TCF12: variants seen among roughly 807,000 people sequenced by gnomAD.
TCF12 encodes the protein DNA-binding protein HTF4.
TCF12 carries 45 observed loss-of-function variants against 86.0 expected under a neutral mutation model. The ratio of observed to expected loss-of-function variants is 0.52; its 90% confidence interval spans 0.41 to 0.67. The LOEUF (loss-of-function observed/expected upper bound fraction) is 0.67. TCF12 is among the 30% of genes least tolerant of loss of function. TCF12 has a pLI of 0.00. For missense variants in TCF12, 881 were observed against 859.9 expected (o/e 1.02, Z -0.31); for synonymous variants, 330 against 299.6 (o/e 1.10, Z -1.05).
At chr15:57,091,984 C>T (rs2049021655) in intron 5 of TCF12, 93 bp downstream of exon 5, 1 of 1,033,076 alleles carries the variant, frequency 9.7e-7, no homozygotes, top group Non-Finnish European at 1.4e-6. Context: ...AGGTAAGTAT[C>T]TAGAAGAAAG....
At chr15:57,274,587 G>GT (rs1177457099) in intron 19 of TCF12, among the ~76,000 whole-genome samples, 4 of 151,910 alleles carry the variant, frequency 2.6e-5, no homozygotes, top group Non-Finnish European at 5.9e-5. Flanking sequence ...TTTACCAATG[G>GT]TTTTTTTTCT....
At chr15:57,039,393 G>A (rs2066745912) in intron 3 of TCF12, among the ~76,000 whole-genome samples, 2 of 152,086 alleles carry the variant, frequency 1.3e-5, no homozygotes, top group Non-Finnish European at 2.9e-5. Context: ...CATTTTGTTA[G>A]CCAGTTACTT....
chr15:57,099,330 C>A (rs1296108036), intron 5 of TCF12, among the ~76,000 whole-genome samples: 1 of 152,108 alleles, frequency 6.6e-6, no homozygotes, highest in African/African-American at 2.4e-5. Context: ...TCCACACTTT[C>A]CAGAGTACTC....
At chr15:57,219,444 C>G (rs1405615804) in intron 8 of TCF12, 13 of 1,537,988 alleles carry the variant, frequency 8.5e-6, no homozygotes, top group Non-Finnish European at 1.2e-5. Flanking sequence ...AAGACTTACT[C>G]CCTTTGCCTG....
At chr15:57,207,497 C>T in intron 8 of TCF12, among the ~76,000 whole-genome samples, 1 of 152,014 alleles carries the variant, frequency 6.6e-6, no homozygotes, top group East Asian at 1.9e-4. Context: ...ATGGTGAAAC[C>T]TCATCTCTAC....
intron 1 of TCF12, chr15:56,919,336 C>T (rs1349741610): frequency 1.3e-5 from 2 of 152,024 alleles, no homozygotes; most frequent in African/African-American, 2.4e-5. Context: ...TAAAAACGCC[C>T]CTTGGATGAG....
intron 16 of TCF12, among the ~76,000 whole-genome samples, chr15:57,260,334 A>G (rs1464916085): frequency 3.9e-5 from 6 of 152,226 alleles, no homozygotes; most frequent in African/African-American, 1.4e-4. Flanking sequence ...GTAAAAGGAA[A>G]TCAGAATTCA....
intron 1 of TCF12, chr15:56,919,397 G>T (rs2059659448): frequency 6.6e-6 from 1 of 152,440 alleles, no homozygotes; most frequent in Non-Finnish European, 1.5e-5. Flanking sequence ...CCGGGCGGCG[G>T]CGGCCGCAGA....
intron 13 of TCF12, among the ~76,000 whole-genome samples, chr15:57,244,969 GT>G (rs1372614327): frequency 3.9e-5 from 6 of 152,134 alleles, no homozygotes; most frequent in African/African-American, 1.4e-4. Context: ...TCTGAGCAGT[GT>G]TTGGAGAAAA....
At chr15:57,046,248 A>C (rs2141509437) in intron 3 of TCF12, among the ~76,000 whole-genome samples, 1 of 152,328 alleles carries the variant, frequency 6.6e-6, no homozygotes, top group Non-Finnish European at 1.5e-5. Flanking sequence ...GCAAATATCA[A>C]AACTTGGCAT....
chr15:57,272,681 G>A (rs1342712479), intron 18 of TCF12, among the ~76,000 whole-genome samples: 4 of 152,212 alleles, frequency 2.6e-5, no homozygotes, highest in African/African-American at 9.7e-5. Context: ...TCCCAGTAAT[G>A]CTGATGCTGC....
chr15:57,149,673 T>C (rs921554082), intron 5 of TCF12, among the ~76,000 whole-genome samples: 17 of 152,066 alleles, frequency 1.1e-4, no homozygotes, highest in African/African-American at 4.1e-4. Context: ...TCTCGCTGAG[T>C]AGGATGTTTT....
intron 3 of TCF12, among the ~76,000 whole-genome samples, chr15:56,921,625 T>C (rs1157542019): frequency 6.6e-6 from 1 of 152,024 alleles, no homozygotes; most frequent in Non-Finnish European, 1.5e-5. Context: ...GCTGTAACTT[T>C]TTATTTAATT....
intron 5 of TCF12, among the ~76,000 whole-genome samples, chr15:57,120,509 G>A (rs1324735472): frequency 6.6e-6 from 1 of 152,186 alleles, no homozygotes; most frequent in Non-Finnish European, 1.5e-5. Flanking sequence ...AGGACTTACA[G>A]TTCTGTGTAT....
chr15:57,065,052 G>A (rs1297660395), intron 4 of TCF12, among the ~76,000 whole-genome samples: 2 of 152,006 alleles, frequency 1.3e-5, no homozygotes, highest in Non-Finnish European at 2.9e-5. Flanking sequence ...TAAAATACGG[G>A]GTTTTACTGT....
intron 3 of TCF12, among the ~76,000 whole-genome samples, chr15:56,983,092 G>C (rs1304083593): frequency 6.6e-6 from 1 of 152,218 alleles, no homozygotes; most frequent in African/African-American, 2.4e-5. Context: ...AGTAGTAGCA[G>C]TGAGAATATG....
At chr15:57,161,135 A>G (rs2054479091) in intron 5 of TCF12, among the ~76,000 whole-genome samples, 1 of 152,218 alleles carries the variant, frequency 6.6e-6, no homozygotes, top group African/African-American at 2.4e-5. Context: ...ATGGGAATGT[A>G]GAACTGTGCC....
intron 3 of TCF12, among the ~76,000 whole-genome samples, chr15:57,055,141 C>A (rs1171853687): frequency 6.6e-6 from 1 of 152,086 alleles, no homozygotes; most frequent in African/African-American, 2.4e-5. Context: ...TGGATCACAC[C>A]TGTAATCCCA....
At chr15:57,197,116 A>C (rs546321610) in intron 7 of TCF12, among the ~76,000 whole-genome samples, 1 of 149,544 alleles carries the variant, frequency 6.7e-6, no homozygotes, top group African/African-American at 2.5e-5. Context: ...ATGAAACTGT[A>C]AAGTACCTAG....
Sources: gnomAD v4.1 joint callset for allele counts (sites outside exome capture counted in the v4.1 genomes callset) on GRCh38, gnomAD v4.1.1 for gene constraint, MANE v1.5 for transcripts, NCBI Gene and HGNC (gene_info 2026-07-23, HGNC 2026-07-21) for gene names.